Variants in SLC24A2 observed in about 807,000 individuals in gnomAD.
SLC24A2 encodes solute carrier family 24 member 2.
SLC24A2 carries 36 observed loss-of-function variants against 62.0 expected under a neutral mutation model. The ratio of observed to expected loss-of-function variants is 0.58; its 90% confidence interval spans 0.44 to 0.77. The LOEUF is 0.77. Ranked by LOEUF, SLC24A2 falls within the 30% of genes least tolerant of loss-of-function variation. The probability of loss-of-function intolerance (pLI) is 0.00; values close to 1 mark genes in which losing one functional copy is unlikely to be tolerated. For synonymous variants in SLC24A2, 358 were observed against 294.0 expected, an observed-to-expected ratio of 1.22 and a Z score of -2.23; for missense variants, 846 against 817.9, an observed-to-expected ratio of 1.03 and a Z score of -0.42.
the SLC24A2 span, among the ~76,000 whole-genome samples, chr9:19,953,487 A>G: frequency 6.6e-6 from 1 of 152,042 alleles, no homozygotes; most frequent in Admixed American, 6.6e-5. Flanking sequence ...AATGGCAGGA[A>G]AGATTGAATA....
intron 2 of SLC24A2, among the ~76,000 whole-genome samples, chr9:19,681,702 T>A (rs16937725): frequency 0.073 from 11,142 of 152,086 alleles, 530 homozygotes; most frequent in Middle Eastern, 0.16. Flanking sequence ...TGCAGCACAA[T>A]CCATAAAAAT....
the SLC24A2 span, among the ~76,000 whole-genome samples, chr9:20,105,937 T>C: frequency 4.0e-5 from 6 of 151,892 alleles, no homozygotes; most frequent in South Asian, 1.2e-3. Context: ...TCAACAAAAT[T>C]GATAAACCGC....
At chr9:19,948,844 C>CAAAAAAA in the SLC24A2 span, among the ~76,000 whole-genome samples, 6 of 71,742 alleles carry the variant, frequency 8.4e-5, no homozygotes, top group Non-Finnish European at 8.6e-5. Flanking sequence ...GACTCCGTCT[C>CAAAAAAA]AAAAAAAAAA....
chr9:20,255,052 C>T, the SLC24A2 span, among the ~76,000 whole-genome samples: 3 of 152,282 alleles, frequency 2.0e-5, no homozygotes, highest in Non-Finnish European at 2.9e-5. Flanking sequence ...GAGATTATTA[C>T]AATTCAAGGT....
intron 2 of SLC24A2, among the ~76,000 whole-genome samples, chr9:19,667,385 A>G (rs1445054180): frequency 2.6e-5 from 4 of 152,156 alleles, no homozygotes; most frequent in African/African-American, 9.7e-5. Flanking sequence ...GCCCAACCAG[A>G]GGCCTGATAT....
chr9:20,252,149 T>G, the SLC24A2 span, among the ~76,000 whole-genome samples: 1 of 152,178 alleles, frequency 6.6e-6, no homozygotes, highest in African/African-American at 2.4e-5. Flanking sequence ...TGAATGAAAG[T>G]AGACTGCTAT....
chr9:19,995,688 T>G, the SLC24A2 span, among the ~76,000 whole-genome samples: 912 of 152,354 alleles, frequency 6.0e-3, 8 homozygotes, highest in Admixed American at 0.012. Flanking sequence ...ACTGTAGACA[T>G]GAGGAATTTG....
intron 6 of SLC24A2, among the ~76,000 whole-genome samples, chr9:19,573,880 A>G (rs1835929836): frequency 6.6e-6 from 1 of 152,002 alleles, no homozygotes; most frequent in Non-Finnish European, 1.5e-5. Flanking sequence ...CCAAAACCAC[A>G]CGCAATCTAC....
the SLC24A2 span, among the ~76,000 whole-genome samples, chr9:20,224,067 G>A: frequency 5.9e-5 from 9 of 151,930 alleles, no homozygotes; most frequent in African/African-American, 2.2e-4. Flanking sequence ...AACAGCATGA[G>A]GAAACTGCCC....
the SLC24A2 span, among the ~76,000 whole-genome samples, chr9:20,189,456 C>A: frequency 6.6e-6 from 1 of 152,130 alleles, no homozygotes; most frequent in Non-Finnish European, 1.5e-5. Context: ...AATACCTTCC[C>A]ATAAGAACTT....
the SLC24A2 span, among the ~76,000 whole-genome samples, chr9:19,840,110 A>T: frequency 6.6e-6 from 1 of 152,220 alleles, no homozygotes; most frequent in Non-Finnish European, 1.5e-5. Context: ...TAACAAAATC[A>T]TGGGAACTTA....
chr9:20,264,567 A>T, the SLC24A2 span, among the ~76,000 whole-genome samples: 3 of 152,242 alleles, frequency 2.0e-5, no homozygotes, highest in Non-Finnish European at 2.9e-5. Flanking sequence ...TTCTGTGTCC[A>T]TCACTTACTA....
the SLC24A2 span, among the ~76,000 whole-genome samples, chr9:20,143,480 C>T: frequency 1.3e-5 from 2 of 152,180 alleles, no homozygotes; most frequent in Non-Finnish European, 2.9e-5. Flanking sequence ...GAAAATTCGA[C>T]CAGACTATGC....
At chr9:19,965,056 A>C in the SLC24A2 span, among the ~76,000 whole-genome samples, 1 of 152,080 alleles carries the variant, frequency 6.6e-6, no homozygotes, top group African/African-American at 2.4e-5. Flanking sequence ...GATCGTGTAG[A>C]TCGTGTAAGC....
the SLC24A2 span, among the ~76,000 whole-genome samples, chr9:20,005,484 T>C: frequency 3.7e-3 from 558 of 151,994 alleles, 11 homozygotes; most frequent in African/African-American, 0.013. Flanking sequence ...GATGAGGAAA[T>C]ACACAATAAG....
chr9:19,951,093 G>A, the SLC24A2 span, among the ~76,000 whole-genome samples: 61 of 152,288 alleles, frequency 4.0e-4, 1 homozygote, highest in Admixed American at 1.9e-3. Flanking sequence ...GGCCTTTGAT[G>A]AGTTCCCGCC....
chr9:19,819,046 T>G, the SLC24A2 span, among the ~76,000 whole-genome samples: 1 of 97,662 alleles, frequency 1.0e-5, no homozygotes, highest in Non-Finnish European at 2.5e-5. Context: ...TAAACCCAGA[T>G]ACTTACAGCC....
At chr9:19,921,359 T>C in the SLC24A2 span, among the ~76,000 whole-genome samples, 1 of 151,548 alleles carries the variant, frequency 6.6e-6, no homozygotes, top group South Asian at 2.1e-4. Context: ...CCGTCTCTAC[T>C]AAAAATACAA....
chr9:19,631,797 A>C (rs1334366108), intron 2 of SLC24A2, among the ~76,000 whole-genome samples: 1 of 152,190 alleles, frequency 6.6e-6, no homozygotes. Context: ...TCATTAAAAA[A>C]TTCTCTGGCT....
Sources: allele counts gnomAD v4.1 joint callset (sites outside exome capture counted in the v4.1 genomes callset), GRCh38; gene constraint gnomAD v4.1.1; transcripts MANE v1.5; gene names NCBI Gene and HGNC (gene_info 2026-07-23, HGNC 2026-07-21).